The following ARHGEF3 variants were observed in gnomAD, a reference collection of about 807,000 sequenced individuals.
ARHGEF3 encodes the protein 59.8 kDA protein.
A neutral mutation model predicts 63.2 loss-of-function variants in ARHGEF3; 28 were observed. That is an observed-to-expected ratio of 0.44 (90% CI 0.33 to 0.61). The LOEUF is 0.61. Ranked by LOEUF, ARHGEF3 falls within the 20% of genes least tolerant of loss-of-function variation. The probability of loss-of-function intolerance (pLI) is 0.03; values close to 1 mark genes in which losing one functional copy is unlikely to be tolerated. For synonymous variants in ARHGEF3, 266 were observed against 254.2 expected (o/e 1.05, Z -0.44); for missense variants, 533 against 659.3 (o/e 0.81, Z 2.10).
chr3:57,042,453 C>G (rs1030426327), intron 1 of ARHGEF3, among the ~76,000 whole-genome samples: 1 of 151,576 alleles, frequency 6.6e-6, no homozygotes, highest in Non-Finnish European at 1.5e-5. Context: ...GGATGAGAGC[C>G]AGCACATACT....
intron 3 of ARHGEF3, among the ~76,000 whole-genome samples, chr3:56,893,312 G>C (rs1047977879): frequency 2.6e-5 from 4 of 152,156 alleles, no homozygotes; most frequent in African/African-American, 9.7e-5. Context: ...CAAGTAGCTA[G>C]GATTACAGGC....
At chr3:56,759,946 C>T (rs2035324480) in intron 2 of ARHGEF3, among the ~76,000 whole-genome samples, 1 of 152,162 alleles carries the variant, frequency 6.6e-6, no homozygotes, top group Non-Finnish European at 1.5e-5. Context: ...TTTCCATTAC[C>T]TCAAATTCAC....
At chr3:56,747,064 C>CAGAGAGAGAGAGAGAGAG (rs5849167) in intron 6 of ARHGEF3, among the ~76,000 whole-genome samples, 4 of 148,166 alleles carry the variant, frequency 2.7e-5, no homozygotes, top group African/African-American at 1.0e-4. Context: ...CACACACACA[C>CAGAGAGAGAGAGAGAGAG]AGAGAGAGAG....
rs552953046 is a variant in ARHGEF3, at chr3:56,910,864, T to C, written c.130-28510A>G. Among the ~76,000 whole-genome samples, 5 of 152,334 alleles carry C rather than the reference T, an allele frequency of 3.3e-5. No individual in the cohort carries two copies. The East Asian group carries it at 9.6e-4, about 29-fold the overall frequency. ...GAAGCGCTTCACAGATATTATCTTA[T>C]AAATTCCTGATACCCTATGAGGCAG... On this transcript the variant is annotated intron_variant, in intron 3 of 12. Transcript: ENST00000338458.
At chr3:57,017,005 GTCTCTCTC>G (rs370663400) in intron 2 of ARHGEF3, among the ~76,000 whole-genome samples, 6 of 129,058 alleles carry the variant, frequency 4.6e-5, no homozygotes, top group Admixed American at 3.9e-4. Context: ...CTTTCTCTCT[GTCTCTCTC>G]TCTCTCTCTC....
intron 3 of ARHGEF3, among the ~76,000 whole-genome samples, chr3:56,912,372 C>T (rs2041875559): frequency 6.6e-6 from 1 of 152,192 alleles, no homozygotes. Context: ...CAAAGTGTTA[C>T]TGCAGATGTT....
intron 4 of ARHGEF3, among the ~76,000 whole-genome samples, chr3:56,833,483 T>C (rs942578871): frequency 4.6e-5 from 7 of 152,336 alleles, no homozygotes; most frequent in African/African-American, 1.4e-4. Flanking sequence ...AATATAAATA[T>C]TTTCTCCACT....
intron 3 of ARHGEF3, among the ~76,000 whole-genome samples, chr3:56,953,570 C>A (rs779180864): frequency 2.6e-5 from 4 of 152,154 alleles, no homozygotes; most frequent in Non-Finnish European, 5.9e-5. Context: ...AGTTACAGAG[C>A]CCTGTCCACC....
At chr3:56,899,540 T>G (rs1375325067) in intron 3 of ARHGEF3, among the ~76,000 whole-genome samples, 1 of 152,260 alleles carries the variant, frequency 6.6e-6, no homozygotes, top group Non-Finnish European at 1.5e-5. Context: ...CTTATCTATT[T>G]ATGGCAAGCA....
intron 2 of ARHGEF3, among the ~76,000 whole-genome samples, chr3:56,965,979 T>C (rs1700478894): frequency 2.0e-5 from 3 of 152,024 alleles, no homozygotes; most frequent in African/African-American, 7.2e-5. Flanking sequence ...GAAGATCATA[T>C]AGAACTATAT....
chr3:57,028,370 T>G (rs2107193664), intron 2 of ARHGEF3, among the ~76,000 whole-genome samples: 1 of 90,942 alleles, frequency 1.1e-5, no homozygotes, highest in East Asian at 2.9e-4. Flanking sequence ...CCATAAAAAA[T>G]GATGAGTTCA....
intron 1 of ARHGEF3, chr3:56,774,911 A>AAAC (rs112631428): frequency 9.0e-6 from 10 of 1,111,734 alleles, no homozygotes; most frequent in Admixed American, 7.6e-5. Context: ...ACAAACAAAC[A>AAAC]AACAACAACA....
rs145300701 is a variant in ARHGEF3 at position 56,848,264 on chromosome 3, G to A, written c.192+34028C>T. 4.1e-3 allele frequency among the ~76,000 whole-genome samples: 631 copies of A among 152,204 alleles called. 5 individuals carry two copies. The highest frequency in any genetic ancestry group is 0.014 in the African/African-American group (595 of 41,526). On this transcript the variant is annotated intron_variant, in intron 4 of 12. Coordinates refer to the ARHGEF3 transcript ENST00000338458. ...GTTAGGACTGGGTGAGTGATAAAGGGACTTCACTATACTCATCTCTCGAAT... is the reference window on the plus strand; with the variant it reads ...GTTAGGACTGGGTGAGTGATAAAGGAACTTCACTATACTCATCTCTCGAAT...
chr3:56,981,244 G>A (rs1215524632), intron 2 of ARHGEF3, among the ~76,000 whole-genome samples: 5 of 152,164 alleles, frequency 3.3e-5, no homozygotes, highest in Non-Finnish European at 5.9e-5. Context: ...TACAGCTGTT[G>A]GTAGTCATGT....
chr3:57,063,708 C>T (rs1385996333), intron 1 of ARHGEF3, among the ~76,000 whole-genome samples: 2 of 152,120 alleles, frequency 1.3e-5, no homozygotes, highest in Non-Finnish European at 2.9e-5. Context: ...CCATCACACG[C>T]TGCTGGTAGT....
At chr3:56,865,329 C>T (rs1027829103) in intron 4 of ARHGEF3, among the ~76,000 whole-genome samples, 7 of 152,162 alleles carry the variant, frequency 4.6e-5, no homozygotes, top group African/African-American at 7.2e-5. Flanking sequence ...GATTCCGCTA[C>T]GGCAAACAGA....
At chr3:56,989,507 C>T (rs1419803380) in intron 2 of ARHGEF3, among the ~76,000 whole-genome samples, 2 of 152,208 alleles carry the variant, frequency 1.3e-5, no homozygotes, top group African/African-American at 4.8e-5. Flanking sequence ...TTGCAGAAAA[C>T]CCCAGCAGGT....
intron 2 of ARHGEF3, among the ~76,000 whole-genome samples, chr3:57,014,543 A>G (rs1162575889): frequency 6.6e-6 from 1 of 152,252 alleles, no homozygotes; most frequent in African/African-American, 2.4e-5. Flanking sequence ...CTCACTGATT[A>G]ACAGTATTTA....
At chr3:56,945,851 C>A (rs1025219897) in intron 3 of ARHGEF3, among the ~76,000 whole-genome samples, 1 of 152,126 alleles carries the variant, frequency 6.6e-6, no homozygotes, top group African/African-American at 2.4e-5. Context: ...CCCTGACCCC[C>A]GAGTAACCTA....
Sources: allele counts gnomAD v4.1 joint callset (sites outside exome capture counted in the v4.1 genomes callset), GRCh38; gene constraint gnomAD v4.1.1; transcripts MANE v1.5; gene names NCBI Gene and HGNC (gene_info 2026-07-23, HGNC 2026-07-21).